RPS6KA2: variants seen among roughly 807,000 people sequenced by gnomAD.
RPS6KA2 encodes ribosomal protein S6 kinase A2.
Under a neutral mutation model 91.8 loss-of-function variants are expected in RPS6KA2, and 42 were observed. The observed-to-expected ratio is 0.46, with a 90% confidence interval of 0.36 to 0.59. The LOEUF is 0.59. Ranked by LOEUF, RPS6KA2 falls within the 20% of genes least tolerant of loss-of-function variation. RPS6KA2 has a pLI of 0.00. For synonymous variants in RPS6KA2, 414 were observed against 393.6 expected (o/e 1.05, Z -0.61); for missense variants, 798 against 978.5 (o/e 0.82, Z 2.46).
At chr6:166,860,719 C>T (rs1781027989) in intron 1 of RPS6KA2, among the ~76,000 whole-genome samples, 1 of 152,218 alleles carries the variant, frequency 6.6e-6, no homozygotes, top group South Asian at 2.1e-4. Context: ...CGATGACCAG[C>T]TGGGCTATAG....
At chr6:166,677,361 A>T (rs1309636854) in intron 2 of RPS6KA2, among the ~76,000 whole-genome samples, 1 of 149,896 alleles carries the variant, frequency 6.7e-6, no homozygotes, top group Non-Finnish European at 1.5e-5. Flanking sequence ...TGTTCATATC[A>T]GTTTTTTTTT....
chr6:166,498,852 A>T (rs1481482069), intron 7 of RPS6KA2, among the ~76,000 whole-genome samples: 1 of 152,186 alleles, frequency 6.6e-6, no homozygotes, highest in Non-Finnish European at 1.5e-5. Flanking sequence ...CTGAAGCCGA[A>T]ATCCTCAAAG....
At chr6:166,851,342 G>A (rs1009748731) in intron 2 of RPS6KA2, among the ~76,000 whole-genome samples, 9 of 152,048 alleles carry the variant, frequency 5.9e-5, no homozygotes, top group African/African-American at 9.7e-5. Flanking sequence ...CAGAGAAAAC[G>A]GAGCTTTCTT....
intron 1 of RPS6KA2, among the ~76,000 whole-genome samples, chr6:166,547,324 A>C (rs1029289569): frequency 3.3e-5 from 5 of 152,170 alleles, no homozygotes; most frequent in African/African-American, 1.2e-4. Context: ...TAAGTAATGG[A>C]TTTTTAAAAA....
At chr6:166,754,474 G>C (rs1369510144) in intron 2 of RPS6KA2, among the ~76,000 whole-genome samples, 1 of 152,188 alleles carries the variant, frequency 6.6e-6, no homozygotes, top group Non-Finnish European at 1.5e-5. Context: ...GTTGGTAAGG[G>C]CAGTTCCCGT....
chr6:166,551,691 T>TA (rs367804739), intron 1 of RPS6KA2, among the ~76,000 whole-genome samples: 2,679 of 150,306 alleles, frequency 0.018, 78 homozygotes, highest in African/African-American at 0.061. Flanking sequence ...AGCATTTTGT[T>TA]AAAAAAAAAA....
At chr6:166,801,197 C>T (rs1488584364) in intron 2 of RPS6KA2, among the ~76,000 whole-genome samples, 1 of 151,844 alleles carries the variant, frequency 6.6e-6, no homozygotes, top group South Asian at 2.1e-4. Context: ...ATGCTAAACT[C>T]GTGAAAAGTT....
chr6:166,475,867 G>A, intron 10 of RPS6KA2: 1 of 523,786 alleles, frequency 1.9e-6, no homozygotes, highest in Non-Finnish European at 3.9e-6. Context: ...GGAATGAGAT[G>A]CGTCTGTATT....
At chr6:166,750,083 G>A (rs944486074) in intron 2 of RPS6KA2, among the ~76,000 whole-genome samples, 11 of 152,150 alleles carry the variant, frequency 7.2e-5, no homozygotes, top group Admixed American at 5.2e-4. Flanking sequence ...GGCAGGGGCC[G>A]CACCAAGTGC....
At chr6:166,514,763 G>C (rs1583227798) in intron 3 of RPS6KA2, among the ~76,000 whole-genome samples, 1 of 152,364 alleles carries the variant, frequency 6.6e-6, no homozygotes, top group Non-Finnish European at 1.5e-5. Flanking sequence ...CAGAGGGACA[G>C]ATCTGGCCTG....
At chr6:166,572,691 A>C (rs1338344046) in intron 1 of RPS6KA2, among the ~76,000 whole-genome samples, 1 of 152,196 alleles carries the variant, frequency 6.6e-6, no homozygotes, top group Non-Finnish European at 1.5e-5. Flanking sequence ...CTGGACCAGC[A>C]AGGCCCCCTT....
Position 166,770,474 on chromosome 6 carries a change from T to C in RPS6KA2, c.123+87726A>G, listed in dbSNP as rs1485776555. The stretch of plus-strand genomic sequence containing the variant: ...CCCACGTTTGCCTCGCTGCCATGGC[T>C]CCCTTCTGCCGCTGGTAATTTCAGC... On this transcript the variant is annotated intron_variant, in intron 2 of 21. Transcript: ENST00000503859. This position sits in a 1 kb window ranked among gnomAD's most constrained non-coding sequence, Gnocchi z 5.1. 1.3e-5 allele frequency among the ~76,000 whole-genome samples: 2 copies of C among 152,184 alleles called. No individual in the cohort carries two copies. The highest frequency in any genetic ancestry group is 2.9e-5 in the Non-Finnish European group (2 of 68,032).
intron 1 of RPS6KA2, among the ~76,000 whole-genome samples, chr6:166,597,134 G>C (rs1785560938): frequency 1.3e-5 from 2 of 152,222 alleles, no homozygotes; most frequent in South Asian, 4.1e-4. Flanking sequence ...TGGAGAGAAA[G>C]GAAAAGAAAC....
At chr6:166,807,924 T>C (rs1280265486) in intron 2 of RPS6KA2, among the ~76,000 whole-genome samples, 1 of 152,056 alleles carries the variant, frequency 6.6e-6, no homozygotes, top group Non-Finnish European at 1.5e-5. Context: ...AGGTTCCATA[T>C]AATTTAACTA....
At chr6:166,721,665 G>C (rs1025049406) in intron 2 of RPS6KA2, among the ~76,000 whole-genome samples, 1 of 152,202 alleles carries the variant, frequency 6.6e-6, no homozygotes, top group African/African-American at 2.4e-5. Flanking sequence ...TTCTAAGACC[G>C]AGTCTCGGGG....
intron 1 of RPS6KA2, among the ~76,000 whole-genome samples, chr6:166,560,984 G>A (rs2128505493): frequency 6.6e-6 from 1 of 151,476 alleles, no homozygotes; most frequent in Non-Finnish European, 1.5e-5. Flanking sequence ...TATGTGCATT[G>A]GTAATCCACA....
chr6:166,627,302 C>T (rs1174239753), upstream of RPS6KA2: 1 of 862,950 alleles, frequency 1.2e-6, no homozygotes, highest in Admixed American at 6.0e-5. Flanking sequence ...ACCACTACCA[C>T]CAATCAGCGC....
At chr6:166,711,128 CA>C (rs1281685511) in intron 2 of RPS6KA2, among the ~76,000 whole-genome samples, 1 of 151,442 alleles carries the variant, frequency 6.6e-6, no homozygotes, top group African/African-American at 2.4e-5. Context: ...GACCACTGCC[CA>C]GGGGTAACAA....
chr6:166,560,725 G>C (rs1239732933), intron 1 of RPS6KA2, among the ~76,000 whole-genome samples: 1 of 152,162 alleles, frequency 6.6e-6, no homozygotes, highest in African/African-American at 2.4e-5. Flanking sequence ...CCTGGGCAGA[G>C]GATGCAGGTG....
Sources: allele counts gnomAD v4.1 joint callset (sites outside exome capture counted in the v4.1 genomes callset), GRCh38; gene constraint gnomAD v4.1.1; non-coding constraint Gnocchi (gnomAD v3.1); transcripts MANE v1.5; gene names NCBI Gene and HGNC (gene_info 2026-07-23, HGNC 2026-07-21).